The following SSH2 variants were observed in gnomAD, a reference collection of about 807,000 sequenced individuals.
SSH2 encodes the protein slingshot protein phosphatase 2.
Under a neutral mutation model 135.2 loss-of-function variants are expected in SSH2, and 37 were observed. The ratio of observed to expected loss-of-function variants is 0.27; its 90% CI spans 0.21 to 0.36. The LOEUF is 0.36. Among genes scored for constraint, SSH2 ranks in the 10% least tolerant of loss-of-function variants. The pLI, the probability that SSH2 is intolerant of heterozygous loss-of-function variation, is 1.00. For missense variants in SSH2, 1,408 were observed against 1,765.3 expected (o/e 0.80, Z 3.63); for synonymous variants, 628 against 646.2 (o/e 0.97, Z 0.43).
At chr17:29,757,727 CAAA>C (rs57511763) in intron 3 of SSH2, among the ~76,000 whole-genome samples, 2 of 78,772 alleles carry the variant, frequency 2.5e-5, no homozygotes, top group Non-Finnish European at 4.7e-5. Context: ...GCTGTCTCTA[CAAA>C]AAAAAAAAAA....
chr17:29,887,099 C>A (rs962226760), intron 1 of SSH2, among the ~76,000 whole-genome samples: 6 of 152,156 alleles, frequency 3.9e-5, no homozygotes, highest in African/African-American at 1.2e-4. Flanking sequence ...AATGTAATTT[C>A]TTCAACATCA....
intron 2 of SSH2, among the ~76,000 whole-genome samples, chr17:29,801,099 A>C (rs1252330935): frequency 4.6e-5 from 7 of 152,064 alleles, no homozygotes; most frequent in African/African-American, 1.7e-4. Flanking sequence ...TCCTGACCTC[A>C]AGTGATCCAC....
intron 2 of SSH2, among the ~76,000 whole-genome samples, chr17:29,836,767 T>C (rs2042950118): frequency 6.6e-6 from 1 of 152,152 alleles, no homozygotes; most frequent in Admixed American, 6.5e-5. Flanking sequence ...CTGTTGAGAT[T>C]ACAGAAAATA....
intron 2 of SSH2, among the ~76,000 whole-genome samples, chr17:29,833,541 T>C (rs2042884332): frequency 1.3e-5 from 2 of 152,218 alleles, no homozygotes; most frequent in South Asian, 4.1e-4. Context: ...TATTTGGTTA[T>C]TCTATGTCTT....
chr17:29,855,623 C>T (rs1465702140), intron 1 of SSH2: 1 of 152,530 alleles, frequency 6.6e-6, no homozygotes, highest in African/African-American at 2.4e-5. Flanking sequence ...CATACCCTGG[C>T]ACTTAGGTGT....
At chr17:29,772,246 CTTTTT>C (rs373494083) in intron 3 of SSH2, among the ~76,000 whole-genome samples, 1 of 136,414 alleles carries the variant, frequency 7.3e-6, no homozygotes. Context: ...AAAATCAGGT[CTTTTT>C]TTTTTTTTTT....
intron 1 of SSH2, among the ~76,000 whole-genome samples, chr17:29,905,232 A>G (rs2066631695): frequency 6.6e-6 from 1 of 152,218 alleles, no homozygotes; most frequent in South Asian, 2.1e-4. Flanking sequence ...ACACTACCCA[A>G]CTTCAAACTA....
At chr17:29,786,340 G>C (rs933668636) in intron 3 of SSH2, among the ~76,000 whole-genome samples, 2 of 152,200 alleles carry the variant, frequency 1.3e-5, no homozygotes, top group Non-Finnish European at 2.9e-5. Context: ...ATGGGGAGGA[G>C]CCTGGCCCCT....
At position 29,755,972 on chromosome 17, in the gene SSH2, CAA is replaced by C. The variant is rs1470419219; in HGVS notation, c.188+37920_188+37921del. ...CACCGCGCCAGCTAAATTTTATTTTCAAAGAGATAGAGGCTGGGCGCGGTGGC... is the reference window on the plus strand; with the variant it reads ...CACCGCGCCAGCTAAATTTTATTTTCAGAGATAGAGGCTGGGCGCGGTGGC... On this transcript the variant is annotated intron_variant, in intron 3 of 15. Transcript: ENST00000540801. 2.0e-4 allele frequency among the ~76,000 whole-genome samples: 29 copies of C among 143,252 alleles called. 1 individual carries two copies. Among genetic ancestry groups the C allele is most frequent in the Admixed American group, 2.0e-3 (29 of 14,432 alleles). 94.0% of individuals were successfully genotyped at this position (143,252 alleles called of 152,430 possible).
chr17:29,708,489 C>G (rs1294058682), intron 3 of SSH2, among the ~76,000 whole-genome samples: 1 of 150,820 alleles, frequency 6.6e-6, no homozygotes, highest in Non-Finnish European at 1.5e-5. Flanking sequence ...GCTAGGGAGG[C>G]TGAGGCAAGA....
intron 3 of SSH2, chr17:29,761,545 G>T: frequency 5.4e-6 from 3 of 560,436 alleles, no homozygotes; most frequent in Non-Finnish European, 6.8e-6. Context: ...CGGGACGCCC[G>T]CGCGGATCCC....
rs1193358690 is a variant in SSH2 at position 29,672,126 on chromosome 17, A to G, written c.618T>C (p.Ser206=). 2.5e-6 allele frequency: 4 copies of G among 1,612,128 alleles called. No homozygotes were observed. The highest frequency in any genetic ancestry group is 1.1e-5 in the South Asian group (1 of 90,906). Residue 206 remains serine (S), a synonymous_variant, in exon 9 of 16, where the codon TCT becomes TCC. Transcript: ENST00000540801. ...FKPVSVQAMW[S]ALQSLHKACE... is the part of the protein sequence containing the mutation. ...AAGCCTTGTGTAAGCTCTGTAGTGC[A>G]GACCTGAAAGACATGCTGGGAAATG...
intron 1 of SSH2, among the ~76,000 whole-genome samples, chr17:29,861,272 T>C (rs2065759811): frequency 6.6e-6 from 1 of 152,162 alleles, no homozygotes; most frequent in Non-Finnish European, 1.5e-5. Flanking sequence ...CAATTGCTTT[T>C]GGCATCTGTG....
chr17:29,844,541 T>C (rs189969732), intron 2 of SSH2, among the ~76,000 whole-genome samples: 2 of 152,316 alleles, frequency 1.3e-5, no homozygotes, highest in East Asian at 1.9e-4. Flanking sequence ...TTGCAGTCAC[T>C]AGCATCCCAA....
chr17:29,683,799 G>A lies in SSH2; in HGVS notation c.479+764C>T, dbSNP rs527607684. 3.3e-5 allele frequency among the ~76,000 whole-genome samples: 5 copies of A among 151,448 alleles called. No individual in the cohort carries two copies. The South Asian group carries it at 1.0e-3, about 32-fold the overall frequency. On this transcript the variant is annotated intron_variant, in intron 6 of 15. Coordinates refer to ENST00000540801, the MANE Select transcript of SSH2 (RefSeq NM_001282129.2). Reference sequence around the variant, plus strand: ...AAAAAAAAAAAAAAAAGACCAAATAGCTGGGTATGGTGGTGCATGCCTGTA... The same window carrying A: ...AAAAAAAAAAAAAAAAGACCAAATAACTGGGTATGGTGGTGCATGCCTGTA...
At chr17:29,816,829 C>T (rs933247045) in intron 2 of SSH2, among the ~76,000 whole-genome samples, 7 of 152,172 alleles carry the variant, frequency 4.6e-5, no homozygotes, top group Admixed American at 4.6e-4. Flanking sequence ...TGCTAACACA[C>T]TGGAAATCAT....
At chr17:29,762,776 A>C (rs2041353545) in intron 3 of SSH2, among the ~76,000 whole-genome samples, 1 of 152,148 alleles carries the variant, frequency 6.6e-6, no homozygotes, top group South Asian at 2.1e-4. Context: ...CATTCAATAG[A>C]AGTTAGCTTC....
At chr17:29,835,122 A>G (rs1209101177) in intron 2 of SSH2, among the ~76,000 whole-genome samples, 2 of 152,172 alleles carry the variant, frequency 1.3e-5, no homozygotes, top group African/African-American at 2.4e-5. Flanking sequence ...ACCTTTCCAA[A>G]CAGAAATTCC....
intron 1 of SSH2, among the ~76,000 whole-genome samples, chr17:29,873,437 T>C (rs988023080): frequency 6.6e-6 from 1 of 151,988 alleles, no homozygotes; most frequent in Non-Finnish European, 1.5e-5. Context: ...TGCACGCCTG[T>C]AATCCCAGCT....
Sources: gnomAD v4.1 joint callset for allele counts (sites outside exome capture counted in the v4.1 genomes callset) on GRCh38, gnomAD v4.1.1 for gene constraint, MANE v1.5 for transcripts, NCBI Gene and HGNC (gene_info 2026-07-23, HGNC 2026-07-21) for gene names.